ADK: variants seen among roughly 807,000 people sequenced by gnomAD.
ADK encodes adenosine kinase, also known as N6,N6-dimethyladenosine kinase.
In ADK, 24 loss-of-function variants were observed where a neutral mutation model predicts 44.7. The observed-to-expected ratio is 0.54, with a 90% CI of 0.39 to 0.76. The LOEUF (loss-of-function observed/expected upper bound fraction) is 0.76, where lower values mean the gene tolerates loss of function less well. ADK is among the 30% of genes least tolerant of loss of function. ADK has a pLI of 0.00. For missense variants in ADK, 321 were observed against 425.1 expected, an observed-to-expected ratio of 0.76 and a Z score of 2.15; for synonymous variants, 128 against 142.6, an observed-to-expected ratio of 0.90 and a Z score of 0.73.
At chr10:74,154,785 T>C (rs1841703993) in intron 1 of ADK, among the ~76,000 whole-genome samples, 2 of 152,226 alleles carry the variant, frequency 1.3e-5, no homozygotes, top group Admixed American at 1.3e-4. Flanking sequence ...ATAATGTCTT[T>C]CCTTTTCCAT....
intron 3 of ADK, among the ~76,000 whole-genome samples, chr10:74,280,794 T>C (rs1846906147): frequency 6.6e-6 from 1 of 152,240 alleles, no homozygotes; most frequent in Admixed American, 6.5e-5. Flanking sequence ...TTTCAGAGTT[T>C]TAGTGAGGTT....
At chr10:74,688,463 G>A (rs1280018518) in intron 10 of ADK, among the ~76,000 whole-genome samples, 1 of 152,156 alleles carries the variant, frequency 6.6e-6, no homozygotes, top group African/African-American at 2.4e-5. Flanking sequence ...TCAATCATAT[G>A]CACAGCTGCA....
intron 4 of ADK, among the ~76,000 whole-genome samples, chr10:74,331,961 C>T (rs1170556828): frequency 1.3e-5 from 2 of 152,180 alleles, no homozygotes; most frequent in Non-Finnish European, 2.9e-5. Flanking sequence ...TCAAGGAATC[C>T]TCCTGCTTCA....
chr10:74,309,721 A>G (rs191910380), intron 3 of ADK, among the ~76,000 whole-genome samples: 4 of 152,216 alleles, frequency 2.6e-5, no homozygotes, highest in Admixed American at 1.3e-4. Flanking sequence ...AAAAAGTCCA[A>G]CAGAGGTCCT....
At chr10:74,318,733 C>T (rs1043585476) in intron 4 of ADK, among the ~76,000 whole-genome samples, 9 of 152,132 alleles carry the variant, frequency 5.9e-5, no homozygotes, top group Admixed American at 3.3e-4. Flanking sequence ...TATAATGAAT[C>T]TGTAAACACA....
intron 6 of ADK, among the ~76,000 whole-genome samples, chr10:74,412,662 C>G (rs886689190): frequency 6.6e-6 from 1 of 152,144 alleles, no homozygotes; most frequent in African/African-American, 2.4e-5. Flanking sequence ...TTATACGTCT[C>G]CATCAGAGCC....
intron 6 of ADK, among the ~76,000 whole-genome samples, chr10:74,482,256 T>A (rs1254834944): frequency 6.6e-6 from 1 of 152,050 alleles, no homozygotes; most frequent in African/African-American, 2.4e-5. Context: ...AGCAGGCACA[T>A]CTTACATGGC....
chr10:74,335,607 A>G (rs561787262), intron 4 of ADK, among the ~76,000 whole-genome samples: 26 of 152,326 alleles, frequency 1.7e-4, no homozygotes, highest in African/African-American at 6.3e-4. Context: ...TACTAGATGT[A>G]TTGCCAAACT....
chr10:74,219,633 A>T (rs533937075), intron 2 of ADK, among the ~76,000 whole-genome samples: 2,495 of 152,216 alleles, frequency 0.016, 41 homozygotes, highest in Non-Finnish European at 0.029. Context: ...AGCTCTCCTC[A>T]GCAAATGTAA....
chr10:74,625,236 G>A (rs184580852), intron 9 of ADK, among the ~76,000 whole-genome samples: 24 of 152,284 alleles, frequency 1.6e-4, no homozygotes, highest in Admixed American at 2.6e-4. Flanking sequence ...AGCAAGTGAT[G>A]TATGAACTAG....
intron 3 of ADK, among the ~76,000 whole-genome samples, chr10:74,281,924 G>A (rs1271005011): frequency 3.3e-5 from 5 of 152,110 alleles, no homozygotes; most frequent in Admixed American, 3.3e-4. Context: ...TATGATTCAG[G>A]TTGACCTGAC....
chr10:74,504,565 T>C (rs558705404), intron 6 of ADK, among the ~76,000 whole-genome samples: 1 of 152,282 alleles, frequency 6.6e-6, no homozygotes, highest in South Asian at 2.1e-4. Context: ...CACAGTAAGC[T>C]AGAGAAAAGA....
At chr10:74,253,766 C>CTTTT (rs369449016) in intron 3 of ADK, among the ~76,000 whole-genome samples, 2 of 125,044 alleles carry the variant, frequency 1.6e-5, no homozygotes, top group African/African-American at 3.0e-5. Context: ...TCTACACTGC[C>CTTTT]TTTTTTTTTT....
intron 4 of ADK, among the ~76,000 whole-genome samples, chr10:74,321,414 G>T (rs112935000): frequency 0.014 from 2,169 of 151,922 alleles, 29 homozygotes; most frequent in Middle Eastern, 0.048. Context: ...CTCCTGAGTA[G>T]TTGGGACTAT....
chr10:74,677,965 CAAAAAAAAAAAAAAA>C (rs3037448), intron 10 of ADK, among the ~76,000 whole-genome samples: 1 of 43,058 alleles, frequency 2.3e-5, no homozygotes, highest in Non-Finnish European at 3.9e-5. Flanking sequence ...CCAGTCTCTA[CAAAAAAAAAAAAAAA>C]AAAAAAAAAA....
intron 9 of ADK, among the ~76,000 whole-genome samples, chr10:74,608,379 T>C (rs527380676): frequency 6.6e-6 from 1 of 152,224 alleles, no homozygotes; most frequent in South Asian, 2.1e-4. Context: ...TTATCTACCT[T>C]TGGTCTTTGA....
At chr10:74,613,884 G>A (rs1852647247) in intron 9 of ADK, among the ~76,000 whole-genome samples, 1 of 152,022 alleles carries the variant, frequency 6.6e-6, no homozygotes, top group African/African-American at 2.4e-5. Flanking sequence ...TAACCTTGTT[G>A]GCTTAGATTG....
intron 6 of ADK, among the ~76,000 whole-genome samples, chr10:74,413,417 G>C (rs1844256116): frequency 6.6e-6 from 1 of 152,144 alleles, no homozygotes; most frequent in Non-Finnish European, 1.5e-5. Flanking sequence ...TAACTCTTCA[G>C]CACCTGCTAT....
chr10:74,302,013 A>G (rs937080467), intron 3 of ADK, among the ~76,000 whole-genome samples: 1 of 151,400 alleles, frequency 6.6e-6, no homozygotes, highest in Admixed American at 6.6e-5. Flanking sequence ...CTCCTATAGT[A>G]ACTGAATGAC....
Sources: gnomAD v4.1 joint callset for allele counts (sites outside exome capture counted in the v4.1 genomes callset) on GRCh38, gnomAD v4.1.1 for gene constraint, MANE v1.5 for transcripts, NCBI Gene and HGNC (gene_info 2026-07-23, HGNC 2026-07-21) for gene names.